The following MARK2 variants were observed in gnomAD, a reference collection of about 807,000 sequenced individuals.
MARK2 encodes the protein serine/threonine-protein kinase MARK2.
MARK2 carries 16 observed loss-of-function variants against 89.8 expected under a neutral mutation model. That is an observed-to-expected ratio of 0.18 (90% CI 0.12 to 0.27). The LOEUF is 0.27. MARK2 is among the 10% of genes least tolerant of loss of function. The pLI, the probability that MARK2 is intolerant of heterozygous loss-of-function variation, is 1.00. For missense variants in MARK2, 621 were observed against 1,049.9 expected (o/e 0.59, Z 5.65); for synonymous variants, 382 against 399.5 (o/e 0.96, Z 0.52).
At chr11:63,851,739 AC>A (rs2016582475) in intron 1 of MARK2, among the ~76,000 whole-genome samples, 2 of 151,616 alleles carry the variant, frequency 1.3e-5, no homozygotes, top group African/African-American at 4.8e-5. Flanking sequence ...TGATTTCTGT[AC>A]ATTTAAGGAT....
chr11:63,858,489 G>A (rs1005248392), intron 1 of MARK2, among the ~76,000 whole-genome samples: 8 of 152,102 alleles, frequency 5.3e-5, no homozygotes, highest in African/African-American at 1.9e-4. Flanking sequence ...GAGTAGCTGG[G>A]ATTACAGGCA....
chr11:63,855,741 G>A (rs1386235369), intron 1 of MARK2, among the ~76,000 whole-genome samples: 1 of 152,096 alleles, frequency 6.6e-6, no homozygotes, highest in Non-Finnish European at 1.5e-5. Flanking sequence ...TTCTTCATAT[G>A]TTTCAACCAA....
In MARK2 at chr11:63,903,958, G is replaced by A. The variant is rs775142459; in HGVS notation, c.1515-28G>A. On this transcript the variant is annotated intron_variant, in intron 14 of 18. Coordinates refer to ENST00000402010, the MANE Select transcript of MARK2 (RefSeq NM_001039469.3). The surrounding 1 kb of genome is among the most constrained non-coding windows in gnomAD (Gnocchi z 5.1). The stretch of plus-strand genomic sequence containing the variant: ...TCCCGCCCTCACTCACCCCTAACAC[G>A]GGCCTCTCCGCTGCTTTTGTTTCCT... 6.3e-5 allele frequency: 99 copies of A among 1,580,524 alleles called. No homozygotes were observed. The highest frequency in any genetic ancestry group is 1.7e-4 in the Middle Eastern group (1 of 5,950).
chr11:63,895,137 T>C, intron 1 of MARK2, 22 bp from the exon 2 acceptor site: 1 of 1,603,512 alleles, frequency 6.2e-7, no homozygotes, highest in Non-Finnish European at 8.5e-7. Flanking sequence ...CATGTAATGG[T>C]ATCTCTGTTT....
intron 1 of MARK2, among the ~76,000 whole-genome samples, chr11:63,842,949 G>A (rs1424866288): frequency 6.6e-6 from 1 of 151,594 alleles, no homozygotes; most frequent in African/African-American, 2.4e-5. Context: ...TAAACCTTGC[G>A]TTACAGGGAG....
At chr11:63,893,678 A>G (rs1940110998) in intron 1 of MARK2, among the ~76,000 whole-genome samples, 1 of 152,150 alleles carries the variant, frequency 6.6e-6, no homozygotes, top group South Asian at 2.1e-4. Flanking sequence ...TACAGGTTGA[A>G]CATCCGTAAT....
At chr11:63,894,607 A>G (rs1055007334) in intron 1 of MARK2, among the ~76,000 whole-genome samples, 41 of 152,138 alleles carry the variant, frequency 2.7e-4, no homozygotes, top group South Asian at 6.2e-4. Context: ...GAGGTGGGAG[A>G]ATTGCTTGAA....
At position 63,898,793 on chromosome 11, in the gene MARK2, G is replaced by T. The variant is rs773162629; in HGVS notation, c.434G>T (p.Gly145Val). The T allele has an allele frequency of 6.2e-7, 1 of 1,614,150 alleles. No individual in the cohort carries two copies. Among genetic ancestry groups the T allele is most frequent in the Non-Finnish European group, 8.5e-7 (1 of 1,180,030 alleles). ...GEVFDYLVAH[G>V]RMKEKEARAK... ...GTATTTGATTACCTAGTGGCTCATG[G>T]CAGGATGAAAGAAAAAGAGGCTCGA... Residue 145 changes from glycine (G) to valine (V), a missense_variant, in exon 6 of 19, where the codon GGC becomes GTC. This residue lies in a region of MARK2 where 82 missense variants were observed against 287.7 expected (regional missense o/e 0.29). Transcript: ENST00000402010.
intron 17 of MARK2, among the ~76,000 whole-genome samples, chr11:63,907,281 T>C (rs1468923327): frequency 6.6e-6 from 1 of 152,180 alleles, no homozygotes; most frequent in African/African-American, 2.4e-5. Flanking sequence ...GACTGGCTGC[T>C]GCCTCAAGGG....
intron 1 of MARK2, among the ~76,000 whole-genome samples, chr11:63,890,635 G>A (rs969429007): frequency 1.3e-5 from 2 of 152,236 alleles, no homozygotes; most frequent in African/African-American, 4.8e-5. Context: ...TCTGCGGAAA[G>A]GCCCGTAGCA....
At chr11:63,859,637 C>CT (rs897753184) in intron 1 of MARK2, among the ~76,000 whole-genome samples, 53 of 142,786 alleles carry the variant, frequency 3.7e-4, no homozygotes, top group Middle Eastern at 3.9e-3. Flanking sequence ...TTCTATCTTT[C>CT]TTTTTTTTTT....
chr11:63,880,427 A>G (rs1939020167), intron 1 of MARK2, among the ~76,000 whole-genome samples: 1 of 152,188 alleles, frequency 6.6e-6, no homozygotes, highest in East Asian at 1.9e-4. Flanking sequence ...TTCAAGTAAC[A>G]AATATCAAAG....
intron 18 of MARK2, 46 bp downstream of exon 18, chr11:63,908,350 T>C: frequency 2.0e-6 from 3 of 1,479,858 alleles, no homozygotes; most frequent in Non-Finnish European, 1.8e-6. Context: ...GCCACCGGGC[T>C]TGCCACAGCC....
At chr11:63,908,147 G>A (rs1941496496) in intron 17 of MARK2, 113 bp from the exon 18 acceptor site, 18 of 922,642 alleles carry the variant, frequency 2.0e-5, no homozygotes, top group Non-Finnish European at 3.1e-5. Flanking sequence ...CCTGGGCTTG[G>A]GTCCTGCCCA....
At chr11:63,896,825 G>T (rs570067911) in intron 3 of MARK2, among the ~76,000 whole-genome samples, 85 of 152,234 alleles carry the variant, frequency 5.6e-4, no homozygotes, top group African/African-American at 1.9e-3. Context: ...GAAGAAGTCA[G>T]CGTGGGGTAG....
chr11:63,891,138 C>CT lies in MARK2; in HGVS notation c.55-4009dup, dbSNP rs199683250. On this transcript the variant is annotated intron_variant, in intron 1 of 18. Transcript: ENST00000402010. ...ACTGTATTGCCTTTTTAAATATATT[C>CT]TTTTTTTTTTTTCCTTTTTGTGAAC... Among the ~76,000 whole-genome samples, 326 of 144,550 alleles carry CT rather than the reference C, an allele frequency of 2.3e-3. 5 individuals are homozygous for CT. The South Asian group carries it at 0.056, about 25-fold the overall frequency. The allele number at this position is 144,550 out of a possible 152,430, so 94.8% of individuals were successfully genotyped here.
intron 1 of MARK2, among the ~76,000 whole-genome samples, chr11:63,890,890 G>A (rs1474413898): frequency 6.6e-6 from 1 of 152,236 alleles, no homozygotes; most frequent in Non-Finnish European, 1.5e-5. Flanking sequence ...GGGAGCCAGG[G>A]CTTGAACCTG....
chr11:63,860,146 C>A (rs1451184239), intron 1 of MARK2, among the ~76,000 whole-genome samples: 2 of 152,186 alleles, frequency 1.3e-5, no homozygotes, highest in African/African-American at 2.4e-5. Context: ...TGCATATACT[C>A]ATTCTCCAAT....
At chr11:63,896,921 C>G (rs1590672511) in intron 3 of MARK2, among the ~76,000 whole-genome samples, 1 of 152,146 alleles carries the variant, frequency 6.6e-6, no homozygotes, top group East Asian at 1.9e-4. Context: ...TTGTTTTTCT[C>G]CCTAATTCTT....
Sources: gnomAD v4.1 joint callset for allele counts (sites outside exome capture counted in the v4.1 genomes callset) on GRCh38, gnomAD v4.1.1 for gene constraint, gnomAD v4.1.1 regional missense constraint, Gnocchi (gnomAD v3.1) non-coding constraint, MANE v1.5 for transcripts, NCBI Gene and HGNC (gene_info 2026-07-23, HGNC 2026-07-21) for gene names.